PPP1R37: variants seen among roughly 807,000 people sequenced by gnomAD.
PPP1R37 encodes protein phosphatase 1 regulatory subunit 37.
In PPP1R37, 21 loss-of-function variants were observed where a neutral mutation model predicts 61.0. The observed-to-expected ratio is 0.34, with a 90% CI of 0.24 to 0.50. PPP1R37 has a LOEUF of 0.50. Among genes scored for constraint, PPP1R37 ranks in the 20% least tolerant of loss-of-function variants. The pLI, the probability that PPP1R37 is intolerant of heterozygous loss-of-function variation, is 0.98. For synonymous variants in PPP1R37, 443 were observed against 433.5 expected, an observed-to-expected ratio of 1.02 and a Z score of -0.27; for missense variants, 910 against 952.7, an observed-to-expected ratio of 0.96 and a Z score of 0.59.
At chr19:45,146,125 T>G in intron 11 of PPP1R37, 76 bp downstream of exon 11, 1 of 1,399,030 alleles carries the variant, frequency 7.1e-7, no homozygotes, top group Non-Finnish European at 9.4e-7. Context: ...CTGCCTGTTG[T>G]GGACCTCAGT....
intron 1 of PPP1R37, among the ~76,000 whole-genome samples, chr19:45,095,701 T>C (rs987135010): frequency 6.8e-6 from 1 of 146,642 alleles, no homozygotes. Context: ...AGGTCGATAG[T>C]GCAGTGAACT....
At chr19:45,114,783 T>C (rs1568442996) in intron 1 of PPP1R37, among the ~76,000 whole-genome samples, 1 of 133,672 alleles carries the variant, frequency 7.5e-6, no homozygotes, top group Non-Finnish European at 1.6e-5. Flanking sequence ...CCCCCCCCCA[T>C]CTCCACAAAA....
chr19:45,122,459 T>G (rs1968354069), intron 1 of PPP1R37, among the ~76,000 whole-genome samples: 1 of 152,180 alleles, frequency 6.6e-6, no homozygotes, highest in Admixed American at 6.5e-5. Flanking sequence ...TCTGGGGATA[T>G]TTCAGTGAAC....
At position 45,128,269 on chromosome 19, in the gene PPP1R37, G is replaced by T. The variant is rs1280968834; in HGVS notation, c.203-10245G>T. On this transcript the variant is annotated intron_variant, in intron 1 of 12. Transcript: ENST00000221462. Reference sequence around the variant, plus strand: ...CTAATGACAATCCACAGCAGCCACAGCCCAGGCCAGCCGACAGAGTTTGTA... The same window carrying T: ...CTAATGACAATCCACAGCAGCCACATCCCAGGCCAGCCGACAGAGTTTGTA... Among the ~76,000 whole-genome samples, 4 of 152,180 alleles carry T rather than the reference G, an allele frequency of 2.6e-5. No individual in the cohort carries two copies. In the East Asian group the frequency reaches 7.7e-4, roughly 29 times the overall value.
intron 1 of PPP1R37, among the ~76,000 whole-genome samples, chr19:45,114,987 GT>G (rs1400290273): frequency 6.6e-6 from 1 of 152,106 alleles, no homozygotes; most frequent in Non-Finnish European, 1.5e-5. Context: ...GGGCCCTTGT[GT>G]TCTGAGAGTG....
In PPP1R37 at chr19:45,146,406, G is replaced by C; in HGVS notation, c.2010G>C (p.Lys670Asn). 2.0e-6 allele frequency: 3 copies of C among 1,535,846 alleles called. No individual in the cohort carries two copies. The highest frequency in any genetic ancestry group is 2.6e-6 in the Non-Finnish European group (3 of 1,146,790). ...CGLEHELSCS[K>N]NEKELEELLL... ...CCCACACAGAACTGAGCTGCTCCAA[G>C]AACGAGAAGGAGCTCGAGGAGCTGC... The change falls in exon 12 of 13, where the codon AAG becomes AAC. Residue 670 changes from lysine (K) to asparagine (N), a missense_variant. Transcript: ENST00000221462.
At chr19:45,141,596 G>A (rs562856069) in intron 5 of PPP1R37, among the ~76,000 whole-genome samples, 155 bp downstream of exon 5, 3 of 152,196 alleles carry the variant, frequency 2.0e-5, no homozygotes, top group South Asian at 2.1e-4. Context: ...AGGAGAACAG[G>A]GCCGAGAGGT....
Position 45,121,476 on chromosome 19 carries a change from G to A in PPP1R37, c.203-17038G>A, listed in dbSNP as rs952538207. 1.1e-4 allele frequency among the ~76,000 whole-genome samples: 17 copies of A among 152,266 alleles called. No homozygotes were observed. Among genetic ancestry groups the A allele is most frequent in the African/African-American group, 2.4e-4 (10 of 41,472 alleles). Reference sequence around the variant, plus strand: ...AGGACAGCTGGGCCCTCGCATGGGCGGGATTGAGGCCACTGGATTCCCTAG... The same window carrying A: ...AGGACAGCTGGGCCCTCGCATGGGCAGGATTGAGGCCACTGGATTCCCTAG... On this transcript the variant is annotated intron_variant, in intron 1 of 12. Transcript: ENST00000221462. This position sits in a 1 kb window ranked among gnomAD's most constrained non-coding sequence, Gnocchi z 4.2.
At position 45,093,552 on chromosome 19, in the gene PPP1R37, G is replaced by GC. The variant is rs1264513658; in HGVS notation, c.202+26dup. Reference sequence around the variant, plus strand: ...GGTAGCTACCGCGGGTGAAGCGGGGGCGGGCTCGAGAGGGACCCGGGAGTC... The same window carrying GC: ...GGTAGCTACCGCGGGTGAAGCGGGGGCCGGGCTCGAGAGGGACCCGGGAGTC... On this transcript the variant is annotated intron_variant, in intron 1 of 12. Transcript: ENST00000221462. 2.6e-6 allele frequency: 4 copies of GC among 1,522,170 alleles called. No individual in the cohort carries two copies. The East Asian group carries it at 9.9e-5, about 38-fold the overall frequency. 94.3% of individuals were successfully genotyped at this position (1,522,170 alleles called of 1,614,324 possible). A position where few individuals can be genotyped will look rare whatever the true frequency, so the allele number is the denominator to read the frequency against.
At chr19:45,131,618 C>T (rs1265103632) in intron 1 of PPP1R37, among the ~76,000 whole-genome samples, 5 of 152,260 alleles carry the variant, frequency 3.3e-5, no homozygotes, top group South Asian at 2.1e-4. Context: ...CTGGGTGAGG[C>T]GGCTCACGCC....
In PPP1R37 at chr19:45,142,427, G is replaced by T; in HGVS notation, c.843G>T (p.Leu281=). The change falls in exon 7 of 13, where the codon CTG becomes CTT. Residue 281 remains leucine, a synonymous_variant. Transcript: ENST00000221462. ...AGTTCAACTGCTCCCTGCAGATCCTGGACCTCCGGAACAACCACGTGCTAG... is the reference window on the plus strand; with the variant it reads ...AGTTCAACTGCTCCCTGCAGATCCTTGACCTCCGGAACAACCACGTGCTAG... ...LLKFNCSLQI[L]DLRNNHVLDS... The T allele has an allele frequency of 6.5e-7, 1 of 1,536,082 alleles. No homozygotes were observed. Among genetic ancestry groups the T allele is most frequent in the Non-Finnish European group, 8.7e-7 (1 of 1,146,914 alleles).
chr19:45,143,509 G>C lies in PPP1R37; in HGVS notation c.875-12G>C. On this transcript the variant is annotated splice_polypyrimidine_tract_variant and intron_variant, in intron 7 of 12. Coordinates refer to ENST00000221462, the MANE Select transcript of PPP1R37 (RefSeq NM_019121.2). ...GACCCCAGACAGGGCTCTGACTGCC[G>C]GCCTCCTCCAGGTCTGGCCTACATC... The C allele has an allele frequency of 1.3e-6, 2 of 1,504,248 alleles. No homozygotes were observed. The highest frequency in any genetic ancestry group is 1.8e-6 in the Non-Finnish European group (2 of 1,118,290). The allele number at this position is 1,504,248 out of a possible 1,614,324, so 93.2% of individuals were successfully genotyped here.
At chr19:45,101,289 T>C (rs540220457) in intron 1 of PPP1R37, among the ~76,000 whole-genome samples, 11 of 152,332 alleles carry the variant, frequency 7.2e-5, no homozygotes, top group African/African-American at 2.6e-4. Flanking sequence ...CAGCCTGGTA[T>C]GTCTGAAGAA....
chr19:45,102,017 C>T (rs12984180), intron 1 of PPP1R37, among the ~76,000 whole-genome samples: 32,268 of 152,178 alleles, frequency 0.21, 3,998 homozygotes, highest in Non-Finnish European at 0.28. Context: ...TGAGTCCCTT[C>T]CCTCGTGCTC....
intron 7 of PPP1R37, 140 bp downstream of exon 7, chr19:45,142,598 G>A: frequency 1.1e-6 from 1 of 888,812 alleles, no homozygotes; most frequent in South Asian, 1.7e-5. Context: ...GAGGAAGACA[G>A]ACCCGCCCTA....
chr19:45,111,719 A>G (rs1393621767), intron 1 of PPP1R37, among the ~76,000 whole-genome samples: 1 of 146,102 alleles, frequency 6.8e-6, no homozygotes, highest in African/African-American at 2.5e-5. Flanking sequence ...GGGTGGGTGG[A>G]GGGAGCCCAC....
intron 2 of PPP1R37, among the ~76,000 whole-genome samples, chr19:45,138,905 C>CTTTTTTTTTTTTTTTT (rs34081163): frequency 1.4e-5 from 1 of 73,056 alleles, no homozygotes; most frequent in African/African-American, 5.4e-5. Flanking sequence ...TTTATGTATT[C>CTTTTTTTTTTTTTTTT]TTTTTTTTTT....
chr19:45,143,837 C>T (rs1968646420), intron 8 of PPP1R37: 4 of 374,164 alleles, frequency 1.1e-5, no homozygotes, highest in South Asian at 6.5e-5. Context: ...TCATTATCTC[C>T]TTTTTTTTTT....
chr19:45,141,545 G>T, intron 5 of PPP1R37, 104 bp downstream of exon 5: 1 of 1,393,650 alleles, frequency 7.2e-7, no homozygotes, highest in Non-Finnish European at 9.6e-7. Context: ...GAGCTCTTGA[G>T]TGTGGGCTGT....
Sources: gnomAD v4.1 joint callset for allele counts (sites outside exome capture counted in the v4.1 genomes callset) on GRCh38, gnomAD v4.1.1 for gene constraint, Gnocchi (gnomAD v3.1) non-coding constraint, MANE v1.5 for transcripts, NCBI Gene and HGNC (gene_info 2026-07-23, HGNC 2026-07-21) for gene names.